USP10: variants seen among roughly 807,000 people sequenced by gnomAD.
The protein encoded by USP10 is ubiquitin specific peptidase 10, also known as ubiquitin carboxyl-terminal hydrolase 10.
USP10 carries 22 observed loss-of-function variants against 84.5 expected under a neutral mutation model. The observed-to-expected ratio is 0.26, with a 90% CI of 0.19 to 0.37. USP10 has a LOEUF of 0.37. USP10 is among the 10% of genes least tolerant of loss of function. The pLI is 1.00. For synonymous variants in USP10, 454 were observed against 387.6 expected (o/e 1.17, Z -2.01); for missense variants, 1,019 against 998.9 (o/e 1.02, Z -0.27).
intron 4 of USP10, among the ~76,000 whole-genome samples, chr16:84,754,004 C>G (rs1912231785): frequency 6.6e-6 from 1 of 152,148 alleles, no homozygotes; most frequent in Non-Finnish European, 1.5e-5. Flanking sequence ...ATGGCAGTAA[C>G]AGGCTGAGGA....
intron 1 of USP10, among the ~76,000 whole-genome samples, chr16:84,703,849 T>G (rs1905173375): frequency 1.3e-5 from 2 of 152,182 alleles, no homozygotes; most frequent in Non-Finnish European, 1.5e-5. Context: ...TGAGCCCATC[T>G]CATTGAGAGC....
In USP10 at chr16:84,719,662, CATCTCT is replaced by C. The variant is rs1430151412; in HGVS notation, c.22-13772_22-13767del. Reference sequence around the variant, plus strand: ...TATAGGAAGCCGATTGGGTGGAAAACATCTCTTCTAGTGTATGTAGGTCCCATAAGG... The same window carrying C: ...TATAGGAAGCCGATTGGGTGGAAAACTCTAGTGTATGTAGGTCCCATAAGG... On this transcript the variant is annotated intron_variant, in intron 1 of 13. Coordinates refer to ENST00000219473, the MANE Select transcript of USP10 (RefSeq NM_005153.3). Among the ~76,000 whole-genome samples, 3 of 152,196 alleles carry C rather than the reference CATCTCT, an allele frequency of 2.0e-5. No individual in the cohort carries two copies. The East Asian group carries it at 5.8e-4, about 29-fold the overall frequency.
chr16:84,765,228 T>C (rs555777419), intron 10 of USP10, among the ~76,000 whole-genome samples: 51 of 144,716 alleles, frequency 3.5e-4, no homozygotes, highest in African/African-American at 1.3e-3. Flanking sequence ...GTGAAGCAGA[T>C]AAACATATTC....
intron 1 of USP10, among the ~76,000 whole-genome samples, chr16:84,729,737 G>A (rs1908968505): frequency 6.6e-6 from 1 of 152,224 alleles, no homozygotes; most frequent in African/African-American, 2.4e-5. Context: ...GGATTAAAAT[G>A]TGATTCACGT....
At chr16:84,768,473 C>G (rs1914095676) in intron 11 of USP10, 115 bp downstream of exon 11, 1 of 1,054,686 alleles carries the variant, frequency 9.5e-7, no homozygotes, top group East Asian at 2.8e-5. Context: ...AAATCAGTTG[C>G]TTAACCATTT....
chr16:84,764,108 CA>C lies in USP10; in HGVS notation c.1682del (p.Asn561ThrfsTer109). The C allele has an allele frequency of 6.2e-7, 1 of 1,613,544 alleles. No homozygotes were observed. The highest frequency in any genetic ancestry group is 1.1e-5 in the South Asian group (1 of 91,066). On this transcript the variant is annotated frameshift_variant, in exon 10 of 14. Coordinates refer to ENST00000219473, the MANE Select transcript of USP10 (RefSeq NM_005153.3). LOFTEE classifies it high-confidence loss of function. ...CAGAACTTACGATTTCCAACGGCCCCAAAAACCACTCGGTCAATGAAGAAGA... is the reference window on the plus strand; with the variant it reads ...CAGAACTTACGATTTCCAACGGCCCCAAAACCACTCGGTCAATGAAGAAGA... ...NEKLTISNGP[K>X]NHSVNEEEQE...
At position 84,745,549 on chromosome 16, in the gene USP10, G is replaced by A. The variant is rs187005378; in HGVS notation, c.1068G>A (p.Pro356=). 1.2e-4 allele frequency: 186 copies of A among 1,611,900 alleles called. No homozygotes were observed. In the Admixed American group the frequency reaches 1.4e-3, roughly 12 times the overall value. Residue 356 remains proline, a synonymous_variant, in exon 4 of 14, where the codon CCG becomes CCA. Transcript: ENST00000219473. The part of the protein sequence containing the change: ...FHDSKPSSSS[P]VAYVETKYSP... Reference sequence around the variant, plus strand: ...ATTCTAAGCCCTCTTCCTCCTCGCCGGTGGCCTATGTGGAAACTAAGTATT... The same window carrying A: ...ATTCTAAGCCCTCTTCCTCCTCGCCAGTGGCCTATGTGGAAACTAAGTATT...
intron 4 of USP10, among the ~76,000 whole-genome samples, chr16:84,754,490 G>T (rs910869471): frequency 6.6e-6 from 1 of 152,180 alleles, no homozygotes; most frequent in Non-Finnish European, 1.5e-5. Context: ...GGGCCCGTAC[G>T]TATGTTCTGC....
chr16:84,711,762 C>T (rs1597275801), intron 1 of USP10, among the ~76,000 whole-genome samples: 2 of 114,008 alleles, frequency 1.8e-5, no homozygotes, highest in South Asian at 6.1e-4. Flanking sequence ...GAGTCTTGTT[C>T]TGTCACCCAG....
intron 1 of USP10, among the ~76,000 whole-genome samples, chr16:84,728,746 A>G (rs1481584621): frequency 3.3e-5 from 5 of 152,172 alleles, no homozygotes; most frequent in African/African-American, 1.2e-4. Context: ...TGCAAAAATT[A>G]CCTTTTTTCC....
intron 2 of USP10, among the ~76,000 whole-genome samples, chr16:84,735,097 A>G (rs1439103804): frequency 6.6e-6 from 1 of 151,556 alleles, no homozygotes; most frequent in Non-Finnish European, 1.5e-5. Context: ...TGCAATCACA[A>G]TTCACTGCAA....
chr16:84,737,437 C>T (rs3829554), intron 2 of USP10, among the ~76,000 whole-genome samples: 92,522 of 152,044 alleles, frequency 0.61, 28,841 homozygotes, highest in Non-Finnish European at 0.69. Context: ...TATTTAGATA[C>T]CCAGTTACCA....
rs576615635 is a variant in USP10, at chr16:84,745,242, G to C, written c.761G>C (p.Cys254Ser). Residue 254 changes from cysteine (C) to serine (S), a missense_variant, in exon 4 of 14, where the codon TGC (cysteine) becomes TCC (serine). This residue lies in a region of USP10 where 787 missense variants were observed against 708.8 expected (regional missense o/e 1.11). Transcript: ENST00000219473. ...CCCGGGGCTGATTTTGGTCAGTCCT[G>C]CTTCCCTGCAGAGGCTGGCAGAGAC... is the stretch of plus-strand genomic sequence containing the variant. ...GGPGADFGQS[C>S]FPAEAGRDTL... is the part of the protein sequence containing the mutation. The C allele has an allele frequency of 2.5e-6, 4 of 1,613,410 alleles. No homozygotes were observed. The highest frequency in any genetic ancestry group is 1.1e-5 in the South Asian group (1 of 91,048).
At chr16:84,742,537 C>T (rs1364713058) in intron 3 of USP10, among the ~76,000 whole-genome samples, 2 of 152,222 alleles carry the variant, frequency 1.3e-5, no homozygotes, top group Non-Finnish European at 2.9e-5. Context: ...AGTGAGCAGC[C>T]TTGGAGAAAT....
At chr16:84,726,420 A>G (rs1908486110) in intron 1 of USP10, among the ~76,000 whole-genome samples, 1 of 152,178 alleles carries the variant, frequency 6.6e-6, no homozygotes, top group African/African-American at 2.4e-5. Context: ...TAGCAGGAAC[A>G]CTGGTTTTCC....
chr16:84,750,595 C>T (rs1237559383), intron 4 of USP10, among the ~76,000 whole-genome samples: 2 of 152,152 alleles, frequency 1.3e-5, no homozygotes, highest in Admixed American at 6.5e-5. Flanking sequence ...TTTCATTGAA[C>T]ATTGTACTTT....
chr16:84,764,939 A>AAAATATAT (rs370383030), intron 10 of USP10, among the ~76,000 whole-genome samples: 4,483 of 132,184 alleles, frequency 0.034, 305 homozygotes, highest in African/African-American at 0.12. Context: ...GAGAAAAAAA[A>AAAATATAT]ATATATATAT....
chr16:84,720,893 ATTT>A (rs1192679893), intron 1 of USP10, among the ~76,000 whole-genome samples: 4 of 98,994 alleles, frequency 4.0e-5, no homozygotes, highest in African/African-American at 3.8e-5. Context: ...ATGATGCACA[ATTT>A]TTTTTTTTTT....
rs551217483 is a variant in USP10 at position 84,714,661 on chromosome 16, G to A, written c.21+14550G>A. On this transcript the variant is annotated intron_variant, in intron 1 of 13. Transcript: ENST00000219473. Reference sequence around the variant, plus strand: ...ATGGTAATGTTTGGCAGGTTTTTTTGGTCCAATTTTTAGTTGTTACTTGTG... The same window carrying A: ...ATGGTAATGTTTGGCAGGTTTTTTTAGTCCAATTTTTAGTTGTTACTTGTG... 4.0e-5 allele frequency among the ~76,000 whole-genome samples: 6 copies of A among 151,644 alleles called. No individual in the cohort carries two copies. The South Asian group carries it at 1.3e-3, about 32-fold the overall frequency.
Sources: allele counts gnomAD v4.1 joint callset (sites outside exome capture counted in the v4.1 genomes callset), GRCh38; gene constraint gnomAD v4.1.1; regional missense constraint gnomAD v4.1.1; transcripts MANE v1.5; gene names NCBI Gene and HGNC (gene_info 2026-07-23, HGNC 2026-07-21).